APBA2: variants seen among roughly 807,000 people sequenced by gnomAD.
The protein encoded by APBA2 is amyloid-beta A4 precursor protein-binding family A member 2.
APBA2 carries 30 observed loss-of-function variants against 75.0 expected under a neutral mutation model. The ratio of observed to expected loss-of-function variants is 0.40; its 90% confidence interval spans 0.30 to 0.54. APBA2 has a LOEUF of 0.54. APBA2 is among the 20% of genes least tolerant of loss of function. APBA2 has a pLI of 0.49. For missense variants in APBA2, 801 were observed against 1,016.1 expected (o/e 0.79, Z 2.88); for synonymous variants, 444 against 409.6 (o/e 1.08, Z -1.01).
intron 12 of APBA2, among the ~76,000 whole-genome samples, chr15:29,107,675 C>T (rs1029027430): frequency 6.6e-6 from 1 of 152,018 alleles, no homozygotes; most frequent in Admixed American, 6.6e-5. Flanking sequence ...GCAGTTGAGG[C>T]CCCCCCTCCC....
intron 3 of APBA2, among the ~76,000 whole-genome samples, chr15:29,021,113 G>A (rs930136356): frequency 6.6e-6 from 1 of 152,110 alleles, no homozygotes; most frequent in Admixed American, 6.6e-5. Flanking sequence ...AAAAGGAAAG[G>A]AAGCTTGGGA....
At chr15:28,932,319 G>T (rs1326034094) in intron 2 of APBA2, among the ~76,000 whole-genome samples, 1 of 152,162 alleles carries the variant, frequency 6.6e-6, no homozygotes, top group Admixed American at 6.5e-5. Flanking sequence ...CTGTAGTGCA[G>T]TGCCATGAGG....
chr15:28,888,135 C>T (rs1337295892), intron 1 of APBA2, among the ~76,000 whole-genome samples: 1 of 152,148 alleles, frequency 6.6e-6, no homozygotes, highest in Non-Finnish European at 1.5e-5. Flanking sequence ...TTAAGTAGTT[C>T]TAACCTCTTT....
At chr15:28,938,293 A>G (rs1232953386) in intron 2 of APBA2, among the ~76,000 whole-genome samples, 3 of 152,224 alleles carry the variant, frequency 2.0e-5, no homozygotes, top group Admixed American at 6.5e-5. Context: ...ACAACTTGGA[A>G]GCCACATGAG....
chr15:29,063,925 C>T (rs959762656), intron 4 of APBA2, among the ~76,000 whole-genome samples: 6 of 152,050 alleles, frequency 3.9e-5, no homozygotes, highest in South Asian at 2.1e-4. Context: ...CAGGGCCACA[C>T]TGGAGCTGCT....
intron 4 of APBA2, among the ~76,000 whole-genome samples, chr15:29,065,983 CAG>C (rs949574658): frequency 1.3e-5 from 2 of 152,184 alleles, no homozygotes; most frequent in African/African-American, 4.8e-5. Flanking sequence ...GGTGTGACGT[CAG>C]GGTGGAGGCT....
At chr15:29,075,044 T>A (rs1400966722) in intron 5 of APBA2, 43 bp downstream of exon 5, 13 of 1,416,002 alleles carry the variant, frequency 9.2e-6, no homozygotes, top group Non-Finnish European at 1.2e-5. Flanking sequence ...GGAACACTCA[T>A]CTAATGATGG....
In APBA2 at chr15:29,118,284, T is replaced by TATC. The variant is rs537066851; in HGVS notation, c.*1153_*1155dup. 1.2e-4 allele frequency: 19 copies of TATC among 152,606 alleles called. No homozygotes were observed. The highest frequency in any genetic ancestry group is 1.2e-3 in the Admixed American group (18 of 15,308). The allele number at this position is 152,606 out of a possible 1,614,324, so 9.5% of individuals were successfully genotyped here. On this transcript the variant is annotated 3_prime_UTR_variant, in exon 15 of 15. Transcript: ENST00000683413. ...GCTACCCGTAGGAAGACTTCGCGCA[T>TATC]ATCACTAATAAACCTGAAGTCGTGA...
chr15:28,998,897 A>G (rs1380913231), intron 3 of APBA2, among the ~76,000 whole-genome samples: 3 of 152,262 alleles, frequency 2.0e-5, no homozygotes, highest in Non-Finnish European at 4.4e-5. Context: ...CTGTAATCCC[A>G]GCATTTTGGG....
intron 14 of APBA2, among the ~76,000 whole-genome samples, chr15:29,116,003 C>T (rs187014130): frequency 2.6e-5 from 4 of 152,288 alleles, no homozygotes; most frequent in East Asian, 1.9e-4. Context: ...AGCACAGTCC[C>T]GGGCAGGACA....
chr15:29,108,492 G>A (rs1427089262), intron 13 of APBA2, 103 bp downstream of exon 13: 9 of 1,579,458 alleles, frequency 5.7e-6, no homozygotes, highest in African/African-American at 1.3e-5. Context: ...CAGCCTGGTA[G>A]GACCTGGCCT....
chr15:28,909,486 A>G (rs1230960353), intron 1 of APBA2, among the ~76,000 whole-genome samples: 2 of 152,160 alleles, frequency 1.3e-5, no homozygotes, highest in African/African-American at 4.8e-5. Flanking sequence ...GTATGGATAG[A>G]CCATGTTTTG....
At chr15:28,938,135 G>A (rs1206687838) in intron 2 of APBA2, among the ~76,000 whole-genome samples, 4 of 152,138 alleles carry the variant, frequency 2.6e-5, no homozygotes, top group Admixed American at 2.6e-4. Context: ...AGCACCCTTA[G>A]GAGCCTCCAG....
chr15:29,108,535 G>T, intron 13 of APBA2, 146 bp downstream of exon 13: 1 of 1,299,986 alleles, frequency 7.7e-7, no homozygotes, highest in South Asian at 1.3e-5. Context: ...AGGCCACCTG[G>T]GGCAGGAACT....
At chr15:29,006,073 A>G (rs1234796379) in intron 3 of APBA2, among the ~76,000 whole-genome samples, 1 of 152,192 alleles carries the variant, frequency 6.6e-6, no homozygotes, top group Non-Finnish European at 1.5e-5. Flanking sequence ...AGTACTAGAA[A>G]TTCTAGCCAG....
intron 8 of APBA2, among the ~76,000 whole-genome samples, chr15:29,094,863 T>G (rs2043772346): frequency 6.6e-6 from 1 of 150,450 alleles, no homozygotes; most frequent in South Asian, 2.1e-4. Flanking sequence ...AGTTTGAGAT[T>G]GGCCTGGGCA....
intron 2 of APBA2, among the ~76,000 whole-genome samples, chr15:28,946,484 C>A (rs571707277): frequency 6.6e-6 from 1 of 152,246 alleles, no homozygotes; most frequent in Admixed American, 6.5e-5. Context: ...GAAACAGATT[C>A]TTGCCTAGAG....
At chr15:29,114,924 T>C (rs1180191509) in intron 14 of APBA2, among the ~76,000 whole-genome samples, 1 of 107,506 alleles carries the variant, frequency 9.3e-6, no homozygotes, top group Non-Finnish European at 1.5e-5. Flanking sequence ...CAAGCATGAG[T>C]GTGTATGTGT....
rs956219112 is a variant in APBA2 at position 29,046,537 on chromosome 15, C to T, written c.-40-7308C>T. On this transcript the variant is annotated intron_variant, in intron 3 of 14. Coordinates refer to ENST00000683413, the MANE Select transcript of APBA2 (RefSeq NM_001353788.2). This position sits in a 1 kb window ranked among gnomAD's most constrained non-coding sequence, Gnocchi z 5.0. ...TGTTGACAAGGAGGTCAGATCCATT[C>T]CCTGGGCCGTCATCAGAGACCTGCA... Among the ~76,000 whole-genome samples the T allele has an allele frequency of 1.2e-4, 18 of 152,174 alleles. No homozygotes were observed. Among genetic ancestry groups the T allele is most frequent in the African/African-American group, 4.3e-4 (18 of 41,428 alleles).
Sources: allele counts gnomAD v4.1 joint callset (sites outside exome capture counted in the v4.1 genomes callset), GRCh38; gene constraint gnomAD v4.1.1; non-coding constraint Gnocchi (gnomAD v3.1); transcripts MANE v1.5; gene names NCBI Gene and HGNC (gene_info 2026-07-23, HGNC 2026-07-21).